Variants in NCS1 observed in about 807,000 individuals in gnomAD.
The protein encoded by NCS1 is frequenin homolog.
In NCS1, 6 loss-of-function variants were observed where a neutral mutation model predicts 28.4. That is an observed-to-expected ratio of 0.21 (90% CI 0.12 to 0.42). The LOEUF (loss-of-function observed/expected upper bound fraction) is 0.42, where lower values mean the gene tolerates loss of function less well. Among genes scored for constraint, NCS1 ranks in the 10% least tolerant of loss-of-function variants. The pLI, the probability that NCS1 is intolerant of heterozygous loss-of-function variation, is 1.00. For synonymous variants in NCS1, 86 were observed against 99.3 expected (o/e 0.87, Z 0.79); for missense variants, 131 against 241.4 (o/e 0.54, Z 3.03).
In NCS1 at chr9:130,220,400, A is replaced by G. The variant is rs192386541; in HGVS notation, c.307+597A>G. On this transcript the variant is annotated intron_variant, in intron 4 of 7. Transcript: ENST00000372398. The stretch of plus-strand genomic sequence containing the variant: ...GAGTGGCAGCAGGATTTAAAAAAAA[A>G]CCTCAGGAAACTGCAGGCAAGGAGG... Among the ~76,000 whole-genome samples the G allele has an allele frequency of 5.0e-4, 76 of 152,232 alleles. 1 individual carries two copies. In the East Asian group the frequency reaches 9.5e-3, roughly 19 times the overall value.
At chr9:130,185,118 C>T (rs1554905499) in intron 1 of NCS1, among the ~76,000 whole-genome samples, 1 of 152,204 alleles carries the variant, frequency 6.6e-6, no homozygotes. Context: ...CGCATCAAAG[C>T]CCAGCGGCTA....
chr9:130,178,625 T>C (rs10988631), intron 1 of NCS1, among the ~76,000 whole-genome samples: 25,339 of 151,930 alleles, frequency 0.17, 2,853 homozygotes, highest in East Asian at 0.6. Context: ...TCGAGATCCG[T>C]AGGGAGCCGT....
rs1450810970 is a variant in NCS1, at chr9:130,192,450, G to A, written c.65-8508G>A. On this transcript the variant is annotated intron_variant, in intron 1 of 7. Coordinates refer to ENST00000372398, the MANE Select transcript of NCS1 (RefSeq NM_014286.4). This position sits in a 1 kb window ranked among gnomAD's most constrained non-coding sequence, Gnocchi z 4.8. Reference sequence around the variant, plus strand: ...GCTGCTCTTCCTGGACACGGGGCCTGTCGTTGTGGGAAATGAGGCGCTCCA... The same window carrying A: ...GCTGCTCTTCCTGGACACGGGGCCTATCGTTGTGGGAAATGAGGCGCTCCA... 2.0e-5 allele frequency among the ~76,000 whole-genome samples: 3 copies of A among 152,052 alleles called. No individual in the cohort carries two copies. The highest frequency in any genetic ancestry group is 2.9e-5 in the Non-Finnish European group (2 of 68,008).
At chr9:130,217,636 T>G (rs782302758) in intron 2 of NCS1, among the ~76,000 whole-genome samples, 196 bp from the exon 3 acceptor site, 1 of 152,200 alleles carries the variant, frequency 6.6e-6, no homozygotes, top group Non-Finnish European at 1.5e-5. Flanking sequence ...AGGTGAAGTC[T>G]GTATCCAAGG....
Position 130,180,572 on chromosome 9 carries a change from C to T in NCS1, c.64+7845C>T, listed in dbSNP as rs1832640754. Among the ~76,000 whole-genome samples the T allele has an allele frequency of 6.6e-6, 1 of 152,096 alleles. No homozygotes were observed. Among genetic ancestry groups the T allele is most frequent in the Non-Finnish European group, 1.5e-5 (1 of 68,028 alleles). On this transcript the variant is annotated intron_variant, in intron 1 of 7. Transcript: ENST00000372398. The surrounding 1 kb of genome is among the most constrained non-coding windows in gnomAD (Gnocchi z 4.5). ...CTTGAGATTGGGGTCATATTCTGACCAAGGGCAGAACGGCAGGTGCTGAGG... is the reference window on the plus strand; with the variant it reads ...CTTGAGATTGGGGTCATATTCTGACTAAGGGCAGAACGGCAGGTGCTGAGG...
At position 130,173,203 on chromosome 9, in the gene NCS1, G is replaced by GC. The variant is rs1330491839; in HGVS notation, c.64+476_64+477insC. Among the ~76,000 whole-genome samples the GC allele has an allele frequency of 9.9e-5, 15 of 151,600 alleles. No homozygotes were observed. The East Asian group carries it at 2.1e-3, about 22-fold the overall frequency. Reference sequence around the variant, plus strand: ...CCCTCCCTGGCCCCGTTCGTGTGGGGGGGGGGGTGGCGAGACTTGGCACAG... The same window carrying GC: ...CCCTCCCTGGCCCCGTTCGTGTGGGGCGGGGGGGTGGCGAGACTTGGCACAG... On this transcript the variant is annotated intron_variant, in intron 1 of 7. Transcript: ENST00000372398.
chr9:130,200,530 A>AC, intron 1 of NCS1: 2 of 1,548,218 alleles, frequency 1.3e-6, no homozygotes. Flanking sequence ...CCACCCCCCC[A>AC]CATAGGTGGG....
At chr9:130,188,060 G>A (rs1832763271) in intron 1 of NCS1, among the ~76,000 whole-genome samples, 1 of 152,254 alleles carries the variant, frequency 6.6e-6, no homozygotes, top group South Asian at 2.1e-4. Flanking sequence ...TCCTGCCCCT[G>A]TGGGGTGCCC....
chr9:130,209,667 C>T lies in NCS1; in HGVS notation c.90-8165C>T, dbSNP rs1833084498. On this transcript the variant is annotated intron_variant, in intron 2 of 7. Coordinates refer to ENST00000372398, the MANE Select transcript of NCS1 (RefSeq NM_014286.4). The surrounding 1 kb of genome is among the most constrained non-coding windows in gnomAD (Gnocchi z 4.4). ...GTGGGAGGTGTGGGAGGAGACCCAG[C>T]GCTGGCGTGGGAACTGTTTTGCAAG... 1.3e-5 allele frequency among the ~76,000 whole-genome samples: 2 copies of T among 152,118 alleles called. No homozygotes were observed. Among genetic ancestry groups the T allele is most frequent in the African/African-American group, 2.4e-5 (1 of 41,416 alleles).
Position 130,220,913 on chromosome 9 carries a change from A to G in NCS1, c.307+1110A>G, listed in dbSNP as rs570315280. 2.6e-5 allele frequency among the ~76,000 whole-genome samples: 4 copies of G among 151,902 alleles called. No individual in the cohort carries two copies. In the South Asian group the frequency reaches 8.3e-4, roughly 32 times the overall value. On this transcript the variant is annotated intron_variant, in intron 4 of 7. Transcript: ENST00000372398. The stretch of plus-strand genomic sequence containing the variant: ...GGAGGTGGGGGCTGGAGTTGGGGGA[A>G]GGAGAGGGGTGCTCCTCTGGGTAAC...
intron 7 of NCS1, among the ~76,000 whole-genome samples, chr9:130,229,501 C>T (rs983586245): frequency 3.3e-5 from 5 of 152,162 alleles, no homozygotes; most frequent in Admixed American, 1.3e-4. Context: ...GATCCACCCA[C>T]CTCAGCCTCT....
At chr9:130,202,354 A>ACCCCCCCCCCCCCCCCCCCCCCCG (rs1832961839) in intron 2 of NCS1, among the ~76,000 whole-genome samples, 1 of 113,338 alleles carries the variant, frequency 8.8e-6, no homozygotes. Flanking sequence ...CCTCCCCCCC[A>ACCCCCCCCCCCCCCCCCCCCCCCG]CCCCCTGAAA....
intron 6 of NCS1, among the ~76,000 whole-genome samples, chr9:130,225,949 C>T (rs1833408120): frequency 6.6e-6 from 1 of 152,166 alleles, no homozygotes; most frequent in Admixed American, 6.5e-5. Flanking sequence ...GCCGGGTCTC[C>T]CAGGGTCCAG....
At chr9:130,188,774 TG>T (rs1832775300) in intron 1 of NCS1, among the ~76,000 whole-genome samples, 1 of 151,800 alleles carries the variant, frequency 6.6e-6, no homozygotes, top group Non-Finnish European at 1.5e-5. Context: ...TGGAGTGCAG[TG>T]GTGCAATCTT....
intron 1 of NCS1, among the ~76,000 whole-genome samples, chr9:130,195,117 C>A (rs868929032): frequency 7.9e-5 from 12 of 152,208 alleles, no homozygotes; most frequent in Admixed American, 7.2e-4. Context: ...ACCAGTCCCT[C>A]CTCTTCCTGC....
chr9:130,222,848 A>G (rs1833351881), intron 5 of NCS1, 110 bp downstream of exon 5: 1 of 1,193,490 alleles, frequency 8.4e-7, no homozygotes, highest in Non-Finnish European at 1.2e-6. Context: ...GGGTGGAAGC[A>G]GGGGTCACTG....
intron 2 of NCS1, 118 bp from the exon 3 acceptor site, chr9:130,217,714 C>T (rs1833209021): frequency 1.4e-6 from 2 of 1,452,288 alleles, no homozygotes; most frequent in East Asian, 4.5e-5. Flanking sequence ...CCCCATGGGG[C>T]ACCATCTCTT....
At position 130,219,208 on chromosome 9, in the gene NCS1, A is replaced by G. The variant is rs1294280161; in HGVS notation, c.229-517A>G. Among the ~76,000 whole-genome samples the G allele has an allele frequency of 4.6e-5, 7 of 151,710 alleles. No homozygotes were observed. The highest frequency in any genetic ancestry group is 2.0e-4 in the East Asian group (1 of 5,128). ...CTGGCACCGTGGAGGTTTCTATTCT[A>G]TCCCATCCCCAGCTTCTCCCAGGTG... is the stretch of plus-strand genomic sequence containing the variant. On this transcript the variant is annotated intron_variant, in intron 3 of 7. Coordinates refer to ENST00000372398, the MANE Select transcript of NCS1 (RefSeq NM_014286.4). The surrounding 1 kb of genome is among the most constrained non-coding windows in gnomAD (Gnocchi z 5.7).
rs1359023768 is a variant in NCS1, at chr9:130,181,411, T to C, written c.64+8684T>C. Among the ~76,000 whole-genome samples the C allele has an allele frequency of 1.1e-4, 16 of 152,278 alleles. 1 individual carries two copies. The highest frequency in any genetic ancestry group is 3.9e-4 in the African/African-American group (16 of 41,554). ...GCACGGGACGGTCAGGGGCTGTCAC[T>C]GCGGTGAGAATCTGGTATTAGGCAT... On this transcript the variant is annotated intron_variant, in intron 1 of 7. Transcript: ENST00000372398. This position sits in a 1 kb window ranked among gnomAD's most constrained non-coding sequence, Gnocchi z 5.0.
Sources: allele counts gnomAD v4.1 joint callset (sites outside exome capture counted in the v4.1 genomes callset), GRCh38; gene constraint gnomAD v4.1.1; non-coding constraint Gnocchi (gnomAD v3.1); transcripts MANE v1.5; gene names NCBI Gene and HGNC (gene_info 2026-07-23, HGNC 2026-07-21).